INPP5A: variants seen among roughly 807,000 people sequenced by gnomAD.
The protein encoded by INPP5A is inositol polyphosphate-5-phosphatase A, also known as 43 kDa inositol polyphosphate 5-phophatase.
Under a neutral mutation model 65.2 loss-of-function variants are expected in INPP5A, and 14 were observed. The ratio of observed to expected loss-of-function variants is 0.21; its 90% CI spans 0.14 to 0.34. The LOEUF is 0.34. Ranked by LOEUF, INPP5A falls within the 10% of genes least tolerant of loss-of-function variation. INPP5A has a pLI of 1.00. For missense variants in INPP5A, 431 were observed against 545.6 expected (o/e 0.79, Z 2.09); for synonymous variants, 207 against 208.3 (o/e 0.99, Z 0.05).
chr10:132,671,215 C>T (rs951226289), intron 4 of INPP5A, among the ~76,000 whole-genome samples: 4 of 152,122 alleles, frequency 2.6e-5, no homozygotes, highest in Admixed American at 6.5e-5. Flanking sequence ...ACACTGGTGG[C>T]CAGTGGGCAA....
chr10:132,563,870 C>T (rs1487978994), intron 1 of INPP5A, among the ~76,000 whole-genome samples: 2 of 152,136 alleles, frequency 1.3e-5, no homozygotes, highest in Non-Finnish European at 2.9e-5. Flanking sequence ...GCCAGGGAGG[C>T]GTATTCACTT....
rs2072766460 is a variant in INPP5A at position 132,663,741 on chromosome 10, G to A, written c.306+13236G>A. 6.6e-6 allele frequency among the ~76,000 whole-genome samples: 1 copy of A among 152,160 alleles called. No homozygotes were observed. The highest frequency in any genetic ancestry group is 6.5e-5 in the Admixed American group (1 of 15,278). ...GTCATTGCGCTTTCCTTGCCTTTTG[G>A]GGAGGGTCCCTGGTGCTCTGTGAGC... On this transcript the variant is annotated intron_variant, in intron 4 of 15. Coordinates refer to ENST00000368594, the MANE Select transcript of INPP5A (RefSeq NM_005539.5). This position sits in a 1 kb window ranked among gnomAD's most constrained non-coding sequence, Gnocchi z 4.5.
At chr10:132,585,912 C>T (rs532487994) in intron 1 of INPP5A, among the ~76,000 whole-genome samples, 5 of 152,350 alleles carry the variant, frequency 3.3e-5, no homozygotes, top group East Asian at 3.9e-4. Context: ...TCTGTCCAAG[C>T]GTGGATCCCA....
At chr10:132,666,151 C>T (rs182590323) in intron 4 of INPP5A, among the ~76,000 whole-genome samples, 169 of 141,480 alleles carry the variant, frequency 1.2e-3, no homozygotes, top group African/African-American at 4.0e-3. Flanking sequence ...CTTTACTCAG[C>T]GCTTCCTCCC....
intron 2 of INPP5A, among the ~76,000 whole-genome samples, chr10:132,640,976 G>C (rs555652371): frequency 6.6e-5 from 10 of 152,210 alleles, no homozygotes; most frequent in Non-Finnish European, 1.5e-4. Context: ...CTCTGCCATG[G>C]CGTTACAGCT....
chr10:132,756,752 C>G, intron 11 of INPP5A, among the ~76,000 whole-genome samples: 1 of 152,366 alleles, frequency 6.6e-6, no homozygotes, highest in East Asian at 1.9e-4. Flanking sequence ...TGTAAACAGC[C>G]TCAGGCAGGT....
chr10:132,561,185 C>A (rs1328365476), intron 1 of INPP5A, among the ~76,000 whole-genome samples: 2 of 151,314 alleles, frequency 1.3e-5, no homozygotes, highest in Non-Finnish European at 2.9e-5. Flanking sequence ...ACCCCAGCCT[C>A]TGGAATAGCA....
intron 13 of INPP5A, 60 bp downstream of exon 13, chr10:132,777,842 G>A (rs776861989): frequency 5.2e-5 from 82 of 1,584,526 alleles, no homozygotes; most frequent in Non-Finnish European, 6.7e-5. Flanking sequence ...GGTCTGGTCT[G>A]GCCCAGCCCT....
intron 2 of INPP5A, among the ~76,000 whole-genome samples, chr10:132,615,130 G>A (rs1005170650): frequency 6.6e-6 from 1 of 152,220 alleles, no homozygotes; most frequent in Non-Finnish European, 1.5e-5. Flanking sequence ...AGGGAGCCCC[G>A]AGTCTGGGCC....
chr10:132,631,193 G>C (rs961683938), intron 2 of INPP5A, among the ~76,000 whole-genome samples: 9 of 152,222 alleles, frequency 5.9e-5, no homozygotes, highest in African/African-American at 2.2e-4. Context: ...GTGCAGGGCG[G>C]AGAGAAGAAC....
At chr10:132,602,363 T>G (rs531979063) in intron 1 of INPP5A, among the ~76,000 whole-genome samples, 1 of 152,340 alleles carries the variant, frequency 6.6e-6, no homozygotes, top group East Asian at 1.9e-4. Flanking sequence ...TGACACAGTC[T>G]CGGCTCACTG....
intron 1 of INPP5A, among the ~76,000 whole-genome samples, chr10:132,548,924 G>T (rs1332440818): frequency 1.3e-5 from 2 of 151,350 alleles, no homozygotes; most frequent in African/African-American, 4.9e-5. Context: ...AGCCTCCTGA[G>T]TAGCTGGGGC....
intron 2 of INPP5A, among the ~76,000 whole-genome samples, chr10:132,618,173 T>A (rs1169873338): frequency 6.6e-6 from 1 of 152,230 alleles, no homozygotes; most frequent in Admixed American, 6.5e-5. Context: ...AGTTTTAAAT[T>A]GAGATAATAA....
chr10:132,771,557 A>G (rs1846947972), intron 12 of INPP5A, among the ~76,000 whole-genome samples: 1 of 152,346 alleles, frequency 6.6e-6, no homozygotes, highest in Admixed American at 6.5e-5. Context: ...AGGGGGCCAC[A>G]CGCCAACTCC....
chr10:132,777,833 G>T, intron 13 of INPP5A, 51 bp downstream of exon 13: 2 of 1,591,644 alleles, frequency 1.3e-6, no homozygotes, highest in South Asian at 1.1e-5. Flanking sequence ...GGAGCGCTGG[G>T]TCTGGTCTGG....
intron 11 of INPP5A, among the ~76,000 whole-genome samples, chr10:132,765,486 G>A (rs183954207): frequency 3.9e-5 from 6 of 152,314 alleles, no homozygotes; most frequent in Admixed American, 2.0e-4. Context: ...GGGCTGCCAC[G>A]GCAGTGCCCG....
chr10:132,722,321 A>T (rs1446337942), intron 8 of INPP5A, among the ~76,000 whole-genome samples: 1 of 152,224 alleles, frequency 6.6e-6, no homozygotes, highest in African/African-American at 2.4e-5. Flanking sequence ...ACCAACTCCT[A>T]GCAAGTTAGG....
chr10:132,633,426 A>T (rs1279918388), intron 2 of INPP5A, among the ~76,000 whole-genome samples: 1 of 152,172 alleles, frequency 6.6e-6, no homozygotes. Flanking sequence ...GCAGTGACTA[A>T]ATCTGTTTTA....
At chr10:132,744,953 G>A (rs1025748862) in intron 9 of INPP5A, among the ~76,000 whole-genome samples, 10 of 152,142 alleles carry the variant, frequency 6.6e-5, no homozygotes, top group East Asian at 1.9e-4. Context: ...TCCTGGGCCC[G>A]GCGGTGCAGC....
Sources: allele counts gnomAD v4.1 joint callset (sites outside exome capture counted in the v4.1 genomes callset), GRCh38; gene constraint gnomAD v4.1.1; non-coding constraint Gnocchi (gnomAD v3.1); transcripts MANE v1.5; gene names NCBI Gene and HGNC (gene_info 2026-07-23, HGNC 2026-07-21).